The following IPMK variants were observed in gnomAD, a reference collection of about 807,000 sequenced individuals.
IPMK encodes the protein inositol 1,3,4,6-tetrakisphosphate 5-kinase.
Under a neutral mutation model 45.8 loss-of-function variants are expected in IPMK, and 17 were observed. The observed-to-expected ratio is 0.37, with a 90% CI of 0.25 to 0.56. The LOEUF (loss-of-function observed/expected upper bound fraction) is 0.56. Ranked by LOEUF, IPMK falls within the 20% of genes least tolerant of loss-of-function variation. IPMK has a pLI of 0.79. For missense variants in IPMK, 399 were observed against 498.0 expected (o/e 0.80, Z 1.89); for synonymous variants, 180 against 184.3 (o/e 0.98, Z 0.19).
intron 1 of IPMK, among the ~76,000 whole-genome samples, chr10:58,247,476 T>C (rs1478307034): frequency 1.3e-5 from 2 of 151,554 alleles, no homozygotes; most frequent in Non-Finnish European, 2.9e-5. Context: ...TATGCAGCCA[T>C]AAAAAATGAT....
intron 1 of IPMK, among the ~76,000 whole-genome samples, chr10:58,246,167 T>C (rs1325327519): frequency 7.4e-6 from 1 of 135,328 alleles, no homozygotes; most frequent in Non-Finnish European, 1.5e-5. Context: ...TACAAACAAA[T>C]GGAAGAACAC....
chr10:58,200,312 T>G (rs1837978612), intron 4 of IPMK, among the ~76,000 whole-genome samples: 1 of 151,938 alleles, frequency 6.6e-6, no homozygotes, highest in Non-Finnish European at 1.5e-5. Context: ...AGAGGTGAGG[T>G]TTCACCATGT....
At chr10:58,207,254 C>T (rs1490947021) in intron 4 of IPMK, among the ~76,000 whole-genome samples, 3 of 152,224 alleles carry the variant, frequency 2.0e-5, no homozygotes, top group Non-Finnish European at 2.9e-5. Context: ...CCGCCTGCCT[C>T]GGCCTCCCGA....
chr10:58,241,665 T>C (rs1320174712), intron 1 of IPMK, among the ~76,000 whole-genome samples: 2 of 152,106 alleles, frequency 1.3e-5, no homozygotes, highest in African/African-American at 2.4e-5. Context: ...GTATGGACTC[T>C]CTTAGCTTGT....
intron 4 of IPMK, among the ~76,000 whole-genome samples, chr10:58,200,350 G>A (rs555489080): frequency 1.5e-3 from 224 of 152,074 alleles, no homozygotes; most frequent in Non-Finnish European, 2.9e-3. Context: ...AACTCCTGGC[G>A]TCAAACGATC....
In IPMK at chr10:58,195,053, G is replaced by A. The variant is rs1048441548; in HGVS notation, c.*1023C>T. 3 of 151,908 alleles carry A rather than the reference G, an allele frequency of 2.0e-5. No homozygotes were observed. Among genetic ancestry groups the A allele is most frequent in the Non-Finnish European group, 4.4e-5 (3 of 67,868 alleles). The allele number at this position is 151,908 out of a possible 1,614,324, so 9.4% of individuals were successfully genotyped here. A position where few individuals can be genotyped will look rare whatever the true frequency, so the allele number is the denominator to read the frequency against. On this transcript the variant is annotated 3_prime_UTR_variant, in exon 6 of 6. Coordinates refer to ENST00000373935, the MANE Select transcript of IPMK (RefSeq NM_152230.5). ...TATATTACGGACTAATTTACACACA[G>A]TATTTTTGATAACAACCTAATTAGA...
intron 4 of IPMK, chr10:58,212,677 T>C: frequency 4.0e-6 from 1 of 248,920 alleles, no homozygotes; most frequent in Non-Finnish European, 8.8e-6. Flanking sequence ...TCAGCAAGGA[T>C]GTGCAGCCTC....
intron 4 of IPMK, among the ~76,000 whole-genome samples, chr10:58,202,039 T>C (rs187001635): frequency 3.3e-5 from 5 of 152,182 alleles, no homozygotes; most frequent in Non-Finnish European, 7.4e-5. Context: ...GGCTGGTTCA[T>C]AGACCCTAGC....
At chr10:58,207,350 C>T (rs567090240) in intron 4 of IPMK, among the ~76,000 whole-genome samples, 4 of 152,334 alleles carry the variant, frequency 2.6e-5, no homozygotes, top group South Asian at 2.1e-4. Flanking sequence ...TTTGCAACTG[C>T]GAATTGTACT....
At chr10:58,218,586 T>C (rs973131026) in intron 3 of IPMK, among the ~76,000 whole-genome samples, 3 of 152,202 alleles carry the variant, frequency 2.0e-5, no homozygotes, top group Non-Finnish European at 4.4e-5. Context: ...TATCATTAAT[T>C]TAGACTCAAG....
intron 4 of IPMK, among the ~76,000 whole-genome samples, chr10:58,200,928 G>T (rs549310556): frequency 6.6e-6 from 1 of 152,118 alleles, no homozygotes; most frequent in East Asian, 1.9e-4. Context: ...GGTATTTAGG[G>T]TATTCACCAC....
chr10:58,263,306 C>T (rs781080709), intron 1 of IPMK, among the ~76,000 whole-genome samples: 18 of 151,804 alleles, frequency 1.2e-4, no homozygotes, highest in Non-Finnish European at 2.5e-4. Context: ...GGTGGATCAC[C>T]TGAGGCCAGG....
chr10:58,264,383 G>A (rs566790416), intron 1 of IPMK, among the ~76,000 whole-genome samples: 2 of 152,238 alleles, frequency 1.3e-5, no homozygotes, highest in Admixed American at 6.5e-5. Flanking sequence ...ATAATTGTAG[G>A]TCTTTCTCCC....
chr10:58,260,792 T>G (rs1193074628), intron 1 of IPMK, among the ~76,000 whole-genome samples: 1 of 152,120 alleles, frequency 6.6e-6, no homozygotes, highest in South Asian at 2.1e-4. Context: ...AATAGAGAGA[T>G]ATACCATGTT....
intron 1 of IPMK, among the ~76,000 whole-genome samples, chr10:58,243,133 T>C (rs2132168700): frequency 6.6e-6 from 1 of 151,998 alleles, no homozygotes; most frequent in East Asian, 1.9e-4. Flanking sequence ...TACACTATCC[T>C]AGGAAAAAAA....
chr10:58,237,340 C>A (rs1838628890), intron 2 of IPMK, among the ~76,000 whole-genome samples: 1 of 152,196 alleles, frequency 6.6e-6, no homozygotes. Context: ...CCACTTCAGG[C>A]CCAGGGATGG....
intron 2 of IPMK, among the ~76,000 whole-genome samples, chr10:58,231,453 A>T (rs1184975604): frequency 1.3e-5 from 2 of 152,212 alleles, no homozygotes; most frequent in African/African-American, 2.4e-5. Flanking sequence ...CCACAAAGGG[A>T]AGCCCATCAG....
chr10:58,197,506 T>G (rs12253705), intron 5 of IPMK, among the ~76,000 whole-genome samples: 50,986 of 149,322 alleles, frequency 0.34, 10,855 homozygotes, highest in African/African-American at 0.61. Flanking sequence ...AAAAATTAGC[T>G]GGGCATGGTG....
At chr10:58,220,418 A>G (rs1299941190) in intron 3 of IPMK, among the ~76,000 whole-genome samples, 1 of 152,170 alleles carries the variant, frequency 6.6e-6, no homozygotes, top group African/African-American at 2.4e-5. Context: ...CTTGTGCCCA[A>G]AGAATCTTAA....
Sources: allele counts gnomAD v4.1 joint callset (sites outside exome capture counted in the v4.1 genomes callset), GRCh38; gene constraint gnomAD v4.1.1; transcripts MANE v1.5; gene names NCBI Gene and HGNC (gene_info 2026-07-23, HGNC 2026-07-21).